Variants in RBMS3 observed in about 807,000 individuals in gnomAD.
The protein encoded by RBMS3 is RNA-binding motif, single-stranded-interacting protein 3.
RBMS3 carries 27 observed loss-of-function variants against 66.8 expected under a neutral mutation model. That is an observed-to-expected ratio of 0.40 (90% CI 0.30 to 0.56). RBMS3 has a LOEUF of 0.56. RBMS3 is among the 20% of genes least tolerant of loss of function. RBMS3 has a pLI of 0.40. For missense variants in RBMS3, 513 were observed against 549.5 expected, an observed-to-expected ratio of 0.93 and a Z score of 0.66; for synonymous variants, 188 against 183.0, an observed-to-expected ratio of 1.03 and a Z score of -0.22.
intron 4 of RBMS3, among the ~76,000 whole-genome samples, chr3:29,641,650 G>A (rs1367754922): frequency 6.6e-6 from 1 of 151,912 alleles, no homozygotes; most frequent in Non-Finnish European, 1.5e-5. Flanking sequence ...AAAAAGATTT[G>A]GCCACTTGTT....
chr3:29,490,853 C>T (rs552767302), intron 3 of RBMS3, among the ~76,000 whole-genome samples: 7 of 152,052 alleles, frequency 4.6e-5, no homozygotes, highest in African/African-American at 1.7e-4. Context: ...TAGACCTGCC[C>T]AACCCATATA....
At chr3:29,671,248 G>T (rs1050081100) in intron 4 of RBMS3, among the ~76,000 whole-genome samples, 1 of 152,148 alleles carries the variant, frequency 6.6e-6, no homozygotes. Flanking sequence ...CAACAAAAAG[G>T]ACATCTACAC....
At chr3:29,838,971 AG>A (rs1213230101) in intron 6 of RBMS3, among the ~76,000 whole-genome samples, 3 of 152,192 alleles carry the variant, frequency 2.0e-5, no homozygotes, top group Non-Finnish European at 2.9e-5. Flanking sequence ...AGAGGCTGCC[AG>A]GGGGACAGCT....
intron 6 of RBMS3, among the ~76,000 whole-genome samples, chr3:29,816,978 C>A (rs1341726035): frequency 6.6e-6 from 1 of 152,018 alleles, no homozygotes; most frequent in Non-Finnish European, 1.5e-5. Context: ...GTAATCCCAG[C>A]TACATGGGAG....
intron 12 of RBMS3, among the ~76,000 whole-genome samples, chr3:29,982,947 A>G (rs1318486717): frequency 1.3e-5 from 2 of 152,202 alleles, no homozygotes; most frequent in Non-Finnish European, 2.9e-5. Context: ...GCTGAGTTCA[A>G]GTCCTGAATA....
chr3:29,835,355 G>A (rs568095129), intron 6 of RBMS3, among the ~76,000 whole-genome samples: 23 of 151,948 alleles, frequency 1.5e-4, no homozygotes, highest in Non-Finnish European at 2.9e-4. Flanking sequence ...CATACACAAA[G>A]CATTCTCCTG....
chr3:29,393,555 G>T (rs895217096), intron 1 of RBMS3, among the ~76,000 whole-genome samples: 8 of 152,056 alleles, frequency 5.3e-5, no homozygotes, highest in African/African-American at 1.9e-4. Flanking sequence ...ACAAAACCAG[G>T]CTTATGACAT....
intron 4 of RBMS3, among the ~76,000 whole-genome samples, chr3:29,695,437 T>C (rs1161354820): frequency 1.3e-5 from 2 of 152,204 alleles, no homozygotes; most frequent in Non-Finnish European, 2.9e-5. Flanking sequence ...GTAGAGTATG[T>C]ATTCCTATGT....
At chr3:29,963,092 A>G (rs1332731630) in intron 12 of RBMS3, among the ~76,000 whole-genome samples, 2 of 151,700 alleles carry the variant, frequency 1.3e-5, no homozygotes, top group African/African-American at 2.4e-5. Context: ...ATAAAATCCC[A>G]TGGAAAAATG....
At chr3:29,893,533 T>C (rs935755900) in intron 8 of RBMS3, among the ~76,000 whole-genome samples, 1 of 151,564 alleles carries the variant, frequency 6.6e-6, no homozygotes, top group Non-Finnish European at 1.5e-5. Flanking sequence ...AACCACTGCA[T>C]GGCATATGAG....
intron 6 of RBMS3, among the ~76,000 whole-genome samples, chr3:29,826,454 G>T (rs932881176): frequency 6.6e-6 from 1 of 152,004 alleles, no homozygotes; most frequent in African/African-American, 2.4e-5. Flanking sequence ...CTAATTTAAC[G>T]TATAACTCTT....
chr3:29,607,612 C>G (rs572227259), intron 4 of RBMS3, among the ~76,000 whole-genome samples: 115 of 152,058 alleles, frequency 7.6e-4, no homozygotes, highest in African/African-American at 2.6e-3. Context: ...GTACAATTGG[C>G]AAAAGGATTG....
intron 4 of RBMS3, among the ~76,000 whole-genome samples, chr3:29,686,172 C>T (rs555145708): frequency 2.0e-4 from 31 of 152,250 alleles, no homozygotes; most frequent in African/African-American, 7.2e-4. Flanking sequence ...AGTTCTTTTC[C>T]CTTGAGTTTT....
chr3:29,536,075 A>T (rs1299910910), intron 3 of RBMS3, among the ~76,000 whole-genome samples: 2 of 152,192 alleles, frequency 1.3e-5, no homozygotes, highest in Admixed American at 6.5e-5. Context: ...CTTAACAAGG[A>T]TGAATAAAAA....
Position 29,465,698 on chromosome 3 carries a change from C to T in RBMS3, c.249-22743C>T, listed in dbSNP as rs190645846. 7.2e-5 allele frequency among the ~76,000 whole-genome samples: 11 copies of T among 152,244 alleles called. 2 individuals are homozygous for T. The highest frequency in any genetic ancestry group is 7.2e-4 in the Admixed American group (11 of 15,288). On this transcript the variant is annotated intron_variant, in intron 2 of 14. Transcript: ENST00000383767. Reference sequence around the variant, plus strand: ...GTCCTAAAAAATGTGTTTTCAAAGACAGAAATCACTGCTATTTAGATGGTT... The same window carrying T: ...GTCCTAAAAAATGTGTTTTCAAAGATAGAAATCACTGCTATTTAGATGGTT...
At chr3:29,399,592 A>T (rs949085280) in intron 1 of RBMS3, among the ~76,000 whole-genome samples, 1 of 152,198 alleles carries the variant, frequency 6.6e-6, no homozygotes, top group Admixed American at 6.5e-5. Context: ...TTCCAGCATC[A>T]TGGCCTGATT....
At chr3:29,642,347 TAAAAC>T (rs987230259) in intron 4 of RBMS3, among the ~76,000 whole-genome samples, 2 of 152,132 alleles carry the variant, frequency 1.3e-5, no homozygotes, top group African/African-American at 4.8e-5. Flanking sequence ...AACCTTTTCT[TAAAAC>T]AAATTGATCA....
chr3:29,300,980 A>G (rs763397820), intron 1 of RBMS3, among the ~76,000 whole-genome samples: 3 of 152,014 alleles, frequency 2.0e-5, no homozygotes, highest in Non-Finnish European at 2.9e-5. Context: ...ATGTGGGACC[A>G]GAGAAAGGCC....
At position 29,324,543 on chromosome 3, in the gene RBMS3, A is replaced by C. The variant is rs188447888; in HGVS notation, c.75+42787A>C. Among the ~76,000 whole-genome samples, 7 of 151,682 alleles carry C rather than the reference A, an allele frequency of 4.6e-5. No individual in the cohort carries two copies. The East Asian group carries it at 1.4e-3, about 29-fold the overall frequency. On this transcript the variant is annotated intron_variant, in intron 1 of 14. Coordinates refer to ENST00000383767, the MANE Select transcript of RBMS3 (RefSeq NM_001003793.3). ...TCTGTGCTGCATGTTTGGCCGTGGA[A>C]TTTATTTCTTCTGTCCTGCTGGAGT...
Sources: allele counts gnomAD v4.1 joint callset (sites outside exome capture counted in the v4.1 genomes callset), GRCh38; gene constraint gnomAD v4.1.1; transcripts MANE v1.5; gene names NCBI Gene and HGNC (gene_info 2026-07-23, HGNC 2026-07-21).